The following APBB1IP variants were observed in gnomAD, a reference collection of about 807,000 sequenced individuals.
APBB1IP encodes amyloid beta A4 precursor protein-binding family B member 1-interacting protein.
Under a neutral mutation model 64.9 loss-of-function variants are expected in APBB1IP, and 27 were observed. The ratio of observed to expected loss-of-function variants is 0.42; its 90% CI spans 0.31 to 0.57. APBB1IP has a LOEUF of 0.57. APBB1IP is among the 20% of genes least tolerant of loss of function. The probability of loss-of-function intolerance (pLI) is 0.20; values close to 1 mark genes in which losing one functional copy is unlikely to be tolerated. For synonymous variants in APBB1IP, 392 were observed against 331.0 expected (o/e 1.18, Z -2.00); for missense variants, 812 against 845.5 (o/e 0.96, Z 0.49).
intron 11 of APBB1IP, among the ~76,000 whole-genome samples, chr10:26,548,366 T>A (rs575630329): frequency 7.4e-6 from 1 of 135,810 alleles, no homozygotes; most frequent in South Asian, 2.5e-4. Flanking sequence ...GGCCCCGGTG[T>A]GTGATGTTCC....
rs201942833 is a variant in APBB1IP, at chr10:26,566,981, G to A, written c.1494G>A (p.Gly498=). 32 of 1,580,474 alleles carry A rather than the reference G, an allele frequency of 2.0e-5. No homozygotes were observed. Among genetic ancestry groups the A allele is most frequent in the Non-Finnish European group, 5.1e-6 (6 of 1,172,360 alleles). Residue 498 remains glycine, a synonymous_variant, in exon 15 of 15, where the codon GGG becomes GGA. Transcript: ENST00000376236. ...ETSKDKKPAL[G]NHHDPAVPRA... is the part of the protein sequence containing the mutation. ...TGCAGGATAAGAAGCCAGCCCTCGG[G>A]AACCACCACGACCCGGCAGTGCCCC...
At chr10:26,473,128 C>T (rs1835739511) in intron 2 of APBB1IP, among the ~76,000 whole-genome samples, 1 of 152,128 alleles carries the variant, frequency 6.6e-6, no homozygotes, top group Admixed American at 6.5e-5. Flanking sequence ...TTGTTCCTTA[C>T]AACTTTTAGA....
At chr10:26,495,065 T>C (rs1334215873) in intron 3 of APBB1IP, among the ~76,000 whole-genome samples, 1 of 151,366 alleles carries the variant, frequency 6.6e-6, no homozygotes, top group Admixed American at 6.6e-5. Context: ...TGGAGTGCAG[T>C]GGCAAGATCT....
intron 6 of APBB1IP, among the ~76,000 whole-genome samples, chr10:26,504,812 C>A (rs1463613874): frequency 6.6e-6 from 1 of 152,144 alleles, no homozygotes; most frequent in Non-Finnish European, 1.5e-5. Flanking sequence ...TTCTATCACC[C>A]AGGCTGATCA....
chr10:26,514,794 C>T (rs912362979), intron 8 of APBB1IP, among the ~76,000 whole-genome samples: 1 of 152,072 alleles, frequency 6.6e-6, no homozygotes, highest in Admixed American at 6.6e-5. Context: ...GGCTGACTGA[C>T]AACACAACAA....
Position 26,511,752 on chromosome 10 carries a change from C to G in APBB1IP, c.537C>G (p.Val179=), listed in dbSNP as rs762742268. 1.2e-6 allele frequency: 2 copies of G among 1,614,050 alleles called. No individual in the cohort carries two copies. Reference sequence around the variant, plus strand: ...CCCCATGGTTCTATCCTCAGCTCGTCGTCAAGGTGCACATGAATGATAACA... The same window carrying G: ...CCCCATGGTTCTATCCTCAGCTCGTGGTCAAGGTGCACATGAATGATAACA... ...KLKEAKVKKL[V]VKVHMNDNST... is the part of the protein sequence containing the mutation. The change falls in exon 7 of 15, where the codon GTC becomes GTG. Residue 179 remains valine (V), a synonymous_variant. Coordinates refer to ENST00000376236, the MANE Select transcript of APBB1IP (RefSeq NM_019043.4).
In APBB1IP at chr10:26,559,737, G is replaced by C. The variant is rs572861520; in HGVS notation, c.1156-368G>C. ...CCCAGGTTCAAGCAATTCTCCCTCA[G>C]CCTCCCGAGTAGCTGGGACTACAGG... is the stretch of plus-strand genomic sequence containing the variant. On this transcript the variant is annotated intron_variant, in intron 11 of 14. Transcript: ENST00000376236. Among the ~76,000 whole-genome samples, 28 of 150,782 alleles carry C rather than the reference G, an allele frequency of 1.9e-4. No individual in the cohort carries two copies. In the East Asian group the frequency reaches 5.3e-3, roughly 29 times the overall value.
At chr10:26,548,911 T>A (rs1176671415) in intron 11 of APBB1IP, among the ~76,000 whole-genome samples, 2 of 152,210 alleles carry the variant, frequency 1.3e-5, no homozygotes, top group Non-Finnish European at 2.9e-5. Context: ...GGCATCCTTA[T>A]CTTGTTTGAG....
chr10:26,445,022 C>T (rs1835376297), intron 2 of APBB1IP, among the ~76,000 whole-genome samples: 1 of 150,858 alleles, frequency 6.6e-6, no homozygotes. Flanking sequence ...CGCTTGAACC[C>T]AGGAGGTGGA....
At chr10:26,458,662 T>C (rs1835554697) in intron 2 of APBB1IP, among the ~76,000 whole-genome samples, 1 of 152,144 alleles carries the variant, frequency 6.6e-6, no homozygotes, top group Admixed American at 6.5e-5. Context: ...ATAAAATAGG[T>C]AACAAACAAA....
rs546250190 is a variant in APBB1IP at position 26,567,780 on chromosome 10, T to C, written c.*292T>C. The C allele has an allele frequency of 9.0e-6, 4 of 444,374 alleles. No individual in the cohort carries two copies. In the South Asian group the frequency reaches 1.1e-4, roughly 12 times the overall value. 27.5% of individuals were successfully genotyped at this position (444,374 alleles called of 1,614,324 possible). ...TTTTATTATGTTCAGAAGCATCAAA[T>C]AAAAGTTAAACGTTTTTCCGGAAGA... On this transcript the variant is annotated 3_prime_UTR_variant, in exon 15 of 15. Coordinates refer to ENST00000376236, the MANE Select transcript of APBB1IP (RefSeq NM_019043.4).
intron 11 of APBB1IP, among the ~76,000 whole-genome samples, chr10:26,546,486 A>G (rs1836766834): frequency 1.3e-5 from 2 of 152,218 alleles, no homozygotes; most frequent in African/African-American, 4.8e-5. Context: ...TGATGTTTTG[A>G]TATATGTAAA....
chr10:26,490,648 G>A (rs948064564), intron 2 of APBB1IP, among the ~76,000 whole-genome samples: 1 of 151,952 alleles, frequency 6.6e-6, no homozygotes, highest in Admixed American at 6.6e-5. Context: ...AAGAAATGGA[G>A]TATCTTTATC....
intron 8 of APBB1IP, among the ~76,000 whole-genome samples, chr10:26,514,866 T>C (rs1235841617): frequency 6.6e-6 from 1 of 151,920 alleles, no homozygotes; most frequent in Non-Finnish European, 1.5e-5. Flanking sequence ...CATGCTTTTT[T>C]CTTTTTCTTT....
chr10:26,526,230 CTT>C (rs914652703), intron 8 of APBB1IP, among the ~76,000 whole-genome samples: 1 of 152,240 alleles, frequency 6.6e-6, no homozygotes, highest in African/African-American at 2.4e-5. Context: ...CTAAGAATCT[CTT>C]TTTCAGAAAA....
chr10:26,523,010 CAAAAAA>C (rs35641109), intron 8 of APBB1IP, among the ~76,000 whole-genome samples: 1 of 64,764 alleles, frequency 1.5e-5, no homozygotes, highest in Non-Finnish European at 3.1e-5. Context: ...ACTCCATCTC[CAAAAAA>C]AAAAAAAAAA....
intron 8 of APBB1IP, among the ~76,000 whole-genome samples, chr10:26,527,884 G>A (rs897034926): frequency 2.6e-5 from 4 of 151,944 alleles, no homozygotes; most frequent in Non-Finnish European, 5.9e-5. Context: ...TAGAGATGGG[G>A]TTTCACCATC....
At chr10:26,455,267 C>T (rs968178875) in intron 2 of APBB1IP, among the ~76,000 whole-genome samples, 8 of 152,144 alleles carry the variant, frequency 5.3e-5, no homozygotes, top group African/African-American at 1.2e-4. Context: ...CAGTGGCTCA[C>T]GCCTGTAATC....
At chr10:26,451,110 A>T (rs1393984888) in intron 2 of APBB1IP, among the ~76,000 whole-genome samples, 1 of 152,226 alleles carries the variant, frequency 6.6e-6, no homozygotes, top group Non-Finnish European at 1.5e-5. Flanking sequence ...CTAAGGAAAG[A>T]GCAATTATAA....
Sources: gnomAD v4.1 joint callset for allele counts (sites outside exome capture counted in the v4.1 genomes callset) on GRCh38, gnomAD v4.1.1 for gene constraint, MANE v1.5 for transcripts, NCBI Gene and HGNC (gene_info 2026-07-23, HGNC 2026-07-21) for gene names.